Variants in CALN1 observed in about 807,000 individuals in gnomAD.
CALN1 encodes calneuron 1, also known as calcium-binding protein 8.
A neutral mutation model predicts 30.6 loss-of-function variants in CALN1; 17 were observed. The ratio of observed to expected loss-of-function variants is 0.56; its 90% CI spans 0.38 to 0.83. The LOEUF (loss-of-function observed/expected upper bound fraction) is 0.83, where lower values mean the gene tolerates loss of function less well. CALN1 is among the 40% of genes least tolerant of loss of function. CALN1 has a pLI of 0.00. For synonymous variants in CALN1, 156 were observed against 131.4 expected (o/e 1.19, Z -1.28); for missense variants, 291 against 354.9 (o/e 0.82, Z 1.45).
intron 5 of CALN1, among the ~76,000 whole-genome samples, chr7:71,884,814 T>A (rs568267416): frequency 6.6e-6 from 1 of 152,202 alleles, no homozygotes; most frequent in African/African-American, 2.4e-5. Flanking sequence ...TGCAAAGTTG[T>A]TCTTTGTGGG....
chr7:72,224,437 G>A (rs973851017), intron 3 of CALN1, among the ~76,000 whole-genome samples: 1 of 152,142 alleles, frequency 6.6e-6, no homozygotes, highest in African/African-American at 2.4e-5. Context: ...TGTTACTCAT[G>A]TTCAGAATTA....
At chr7:72,103,395 G>A (rs1363797799) in intron 4 of CALN1, 3 of 154,590 alleles carry the variant, frequency 1.9e-5, no homozygotes, top group Admixed American at 1.3e-4. Flanking sequence ...GTTGGGTGGA[G>A]CAGTCATGGC....
At chr7:72,012,653 A>G (rs933498891) in intron 5 of CALN1, among the ~76,000 whole-genome samples, 3 of 152,240 alleles carry the variant, frequency 2.0e-5, no homozygotes, top group Non-Finnish European at 4.4e-5. Flanking sequence ...CATCTGTGAC[A>G]GTCCTGCCTT....
chr7:72,088,736 G>GGAAGGAAGGGAAGGAAGGAAGA (rs1736305900), intron 4 of CALN1, among the ~76,000 whole-genome samples: 2 of 146,910 alleles, frequency 1.4e-5, no homozygotes, highest in Non-Finnish European at 3.0e-5. Context: ...GAAAGAAGAA[G>GGAAGGAAGGGAAGGAAGGAAGA]GAAGGAAGGG....
intron 3 of CALN1, among the ~76,000 whole-genome samples, chr7:72,202,874 A>G (rs1300886410): frequency 6.6e-6 from 1 of 152,238 alleles, no homozygotes; most frequent in Non-Finnish European, 1.5e-5. Context: ...TTCTACTATA[A>G]AGACACATGC....
chr7:71,980,680 A>C (rs961881753), intron 5 of CALN1, among the ~76,000 whole-genome samples: 1 of 152,160 alleles, frequency 6.6e-6, no homozygotes, highest in Non-Finnish European at 1.5e-5. Context: ...AAATAAGGGA[A>C]AGACACTGTC....
intron 3 of CALN1, among the ~76,000 whole-genome samples, chr7:72,199,283 CATCAATCA>C (rs369941868): frequency 3.4e-4 from 51 of 152,016 alleles, no homozygotes; most frequent in African/African-American, 1.1e-3. Flanking sequence ...TCAAACAACA[CATCAATCA>C]ATCAATCAAT....
intron 2 of CALN1, among the ~76,000 whole-genome samples, chr7:72,330,537 T>C (rs1388027178): frequency 6.6e-6 from 1 of 151,552 alleles, no homozygotes; most frequent in East Asian, 1.9e-4. Context: ...CTTGCATCTG[T>C]CTCAATTATA....
chr7:72,174,353 A>G (rs4457209), intron 3 of CALN1, among the ~76,000 whole-genome samples: 38,547 of 152,032 alleles, frequency 0.25, 6,075 homozygotes, highest in East Asian at 0.68. Flanking sequence ...ATATCCATCT[A>G]TCATGCAACC....
intron 5 of CALN1, among the ~76,000 whole-genome samples, chr7:71,864,601 A>C (rs1791482414): frequency 6.6e-6 from 1 of 152,206 alleles, no homozygotes; most frequent in African/African-American, 2.4e-5. Flanking sequence ...ATAGCTTCCC[A>C]GGCAGAGGAC....
intron 2 of CALN1, among the ~76,000 whole-genome samples, chr7:72,388,010 G>C (rs1413059216): frequency 1.2e-4 from 18 of 152,148 alleles, no homozygotes; most frequent in African/African-American, 2.4e-5. Flanking sequence ...TATTTCCAAA[G>C]AGTTACTAGG....
At chr7:72,103,806 G>C (rs1005202294) in intron 4 of CALN1, among the ~76,000 whole-genome samples, 4 of 152,090 alleles carry the variant, frequency 2.6e-5, no homozygotes, top group African/African-American at 9.7e-5. Context: ...AACAGATCTG[G>C]ACAATGGGAA....
intron 2 of CALN1, among the ~76,000 whole-genome samples, chr7:72,341,485 T>C (rs2129558795): frequency 1.3e-5 from 2 of 152,290 alleles, no homozygotes; most frequent in East Asian, 1.9e-4. Context: ...ATTGTGCTAC[T>C]GCACTCCAGT....
chr7:72,279,074 T>C (rs1445217222), intron 2 of CALN1, among the ~76,000 whole-genome samples: 1 of 152,188 alleles, frequency 6.6e-6, no homozygotes, highest in East Asian at 1.9e-4. Context: ...GTTGTCCTTG[T>C]TAATCATGGC....
chr7:72,139,656 C>A (rs1445354715), intron 3 of CALN1, among the ~76,000 whole-genome samples: 1 of 152,108 alleles, frequency 6.6e-6, no homozygotes, highest in Non-Finnish European at 1.5e-5. Flanking sequence ...CTTCTAAGCA[C>A]CTCGGCCATG....
At chr7:71,875,094 G>T (rs1037096139) in intron 5 of CALN1, among the ~76,000 whole-genome samples, 1 of 147,822 alleles carries the variant, frequency 6.8e-6, no homozygotes, top group Non-Finnish European at 1.5e-5. Flanking sequence ...GAGCCTGGGA[G>T]GCAGTGGTTG....
intron 5 of CALN1, among the ~76,000 whole-genome samples, chr7:71,847,847 G>GAAGAAGA (rs1562836015): frequency 0.026 from 3,458 of 135,070 alleles, 184 homozygotes; most frequent in African/African-American, 0.086. Context: ...GAAGGAGAAG[G>GAAGAAGA]AGAAGAAGAA....
intron 2 of CALN1, among the ~76,000 whole-genome samples, chr7:72,370,513 C>G (rs868120565): frequency 3.5e-4 from 54 of 152,130 alleles, no homozygotes; most frequent in African/African-American, 1.2e-3. Context: ...AATTAGCCAG[C>G]TGTGGTGGCA....
At chr7:72,409,863 G>A (rs1406042931) in intron 1 of CALN1, among the ~76,000 whole-genome samples, 7 of 152,032 alleles carry the variant, frequency 4.6e-5, no homozygotes, top group South Asian at 2.1e-4. Context: ...CTTTTCTTTT[G>A]CATCTTGTGG....
Sources: allele counts gnomAD v4.1 joint callset (sites outside exome capture counted in the v4.1 genomes callset), GRCh38; gene constraint gnomAD v4.1.1; transcripts MANE v1.5; gene names NCBI Gene and HGNC (gene_info 2026-07-23, HGNC 2026-07-21).